MGAT4C: variants seen among roughly 807,000 people sequenced by gnomAD.
The protein encoded by MGAT4C is MGAT4 family member C, also known as alpha-1,3-mannosyl-glycoprotein 4-beta-N-acetylglucosaminyltransferase C.
Under a neutral mutation model 40.1 loss-of-function variants are expected in MGAT4C, and 19 were observed. That is an observed-to-expected ratio of 0.47 (90% CI 0.33 to 0.70). The LOEUF (loss-of-function observed/expected upper bound fraction) is 0.70, where lower values mean the gene tolerates loss of function less well. Ranked by LOEUF, MGAT4C falls within the 30% of genes least tolerant of loss-of-function variation. The probability of loss-of-function intolerance (pLI) is 0.02; values close to 1 mark genes in which losing one functional copy is unlikely to be tolerated. For synonymous variants in MGAT4C, 181 were observed against 187.1 expected, an observed-to-expected ratio of 0.97 and a Z score of 0.27; for missense variants, 491 against 563.2, an observed-to-expected ratio of 0.87 and a Z score of 1.30.
chr12:86,672,586 A>T (rs945615389), intron 2 of MGAT4C, among the ~76,000 whole-genome samples: 9 of 152,256 alleles, frequency 5.9e-5, no homozygotes, highest in South Asian at 2.1e-4. Context: ...ATGAAAAAGG[A>T]GACAATACAT....
At chr12:86,355,871 G>C (rs1190085800) in intron 3 of MGAT4C, among the ~76,000 whole-genome samples, 3 of 152,010 alleles carry the variant, frequency 2.0e-5, no homozygotes, top group Non-Finnish European at 4.4e-5. Context: ...TTTTGCCTCT[G>C]TACGTTCCTT....
intron 2 of MGAT4C, among the ~76,000 whole-genome samples, chr12:86,489,564 G>A (rs192090433): frequency 1.3e-5 from 2 of 152,318 alleles, no homozygotes; most frequent in East Asian, 3.9e-4. Flanking sequence ...ATTGTAACAT[G>A]CCCTCTGGGG....
intron 1 of MGAT4C, among the ~76,000 whole-genome samples, chr12:86,788,097 T>TCA (rs932072389): frequency 4.6e-5 from 7 of 151,478 alleles, no homozygotes; most frequent in African/African-American, 1.7e-4. Context: ...ATGTATTTAC[T>TCA]TATATATATA....
rs183142295 is a variant in MGAT4C at position 86,768,263 on chromosome 12, C to T, written c.-261-41022G>A. On this transcript the variant is annotated intron_variant, in intron 1 of 7. Transcript: ENST00000548651. ...GCTAAATCATGAGTGAATTCCCATT[C>T]ACAATTGCTTCACAGAGAATAAAAT... 3.7e-4 allele frequency among the ~76,000 whole-genome samples: 57 copies of T among 152,242 alleles called. 1 individual carries two copies. The highest frequency in any genetic ancestry group is 1.3e-3 in the African/African-American group (56 of 41,540).
chr12:86,251,073 T>C (rs1171044522), intron 1 of MGAT4C, among the ~76,000 whole-genome samples: 1 of 150,340 alleles, frequency 6.7e-6, no homozygotes, highest in East Asian at 1.9e-4. Context: ...TCCATGCTTA[T>C]AAGATTAGTT....
chr12:86,010,090 T>C (rs1035099415), intron 2 of MGAT4C, among the ~76,000 whole-genome samples: 5 of 152,192 alleles, frequency 3.3e-5, no homozygotes, highest in Non-Finnish European at 7.3e-5. Flanking sequence ...GCATAAATGT[T>C]ATATATTGTG....
At chr12:86,569,312 T>C (rs1960268225) in intron 2 of MGAT4C, among the ~76,000 whole-genome samples, 1 of 152,080 alleles carries the variant, frequency 6.6e-6, no homozygotes, top group African/African-American at 2.4e-5. Flanking sequence ...ATCCAAAATT[T>C]ACAGGGAATT....
chr12:86,196,835 ATAGT>A (rs1443513408), intron 1 of MGAT4C, among the ~76,000 whole-genome samples: 9 of 151,956 alleles, frequency 5.9e-5, no homozygotes, highest in Non-Finnish European at 1.2e-4. Context: ...TTTTTGCAAC[ATAGT>A]TAGTCTGATA....
At chr12:86,283,419 C>T (rs1953269342) in intron 4 of MGAT4C, among the ~76,000 whole-genome samples, 1 of 151,614 alleles carries the variant, frequency 6.6e-6, no homozygotes, top group Non-Finnish European at 1.5e-5. Context: ...AAATAATTTC[C>T]ACTCTTTAGA....
intron 1 of MGAT4C, among the ~76,000 whole-genome samples, chr12:86,740,934 C>G (rs928416460): frequency 2.7e-5 from 4 of 150,896 alleles, no homozygotes; most frequent in Non-Finnish European, 5.9e-5. Context: ...GTTTGGAATA[C>G]AAATTCCGTC....
intron 2 of MGAT4C, among the ~76,000 whole-genome samples, chr12:86,492,732 C>T (rs1352708373): frequency 6.6e-6 from 1 of 152,120 alleles, no homozygotes; most frequent in Non-Finnish European, 1.5e-5. Context: ...AGGACATAGG[C>T]ATGGGCAAGG....
chr12:86,693,542 C>G (rs1036703996), intron 2 of MGAT4C, among the ~76,000 whole-genome samples: 2 of 151,898 alleles, frequency 1.3e-5, no homozygotes, highest in African/African-American at 4.8e-5. Context: ...TAGCTTTGGG[C>G]TCCTAAGTTA....
intron 2 of MGAT4C, among the ~76,000 whole-genome samples, chr12:86,613,373 T>C (rs190527402): frequency 2.0e-5 from 3 of 152,314 alleles, no homozygotes; most frequent in African/African-American, 7.2e-5. Flanking sequence ...ATGTATTTAA[T>C]CTGTTTATCT....
chr12:86,424,143 T>C (rs1484583343), intron 3 of MGAT4C, among the ~76,000 whole-genome samples: 3 of 152,162 alleles, frequency 2.0e-5, no homozygotes, highest in Admixed American at 2.0e-4. Context: ...TAGAAGGAAA[T>C]AAAAATTAGA....
chr12:86,738,108 T>C (rs1951013395), intron 1 of MGAT4C, among the ~76,000 whole-genome samples: 1 of 151,440 alleles, frequency 6.6e-6, no homozygotes, highest in South Asian at 2.1e-4. Flanking sequence ...CTTCTCCTCA[T>C]GGACCTCATC....
At chr12:86,687,209 T>C (rs1688989670) in intron 2 of MGAT4C, among the ~76,000 whole-genome samples, 1 of 152,164 alleles carries the variant, frequency 6.6e-6, no homozygotes, top group Non-Finnish European at 1.5e-5. Context: ...TCATTTTTTA[T>C]TTTCTATTCT....
intron 2 of MGAT4C, among the ~76,000 whole-genome samples, chr12:86,018,419 G>T (rs1027904268): frequency 6.6e-6 from 1 of 152,170 alleles, no homozygotes; most frequent in Admixed American, 6.6e-5. Context: ...TGTCTGACAT[G>T]TGCCACTGTA....
rs558534918 is a variant in MGAT4C at position 86,422,512 on chromosome 12, C to A, written c.-120+12645G>T. On this transcript the variant is annotated intron_variant, in intron 3 of 7. Coordinates refer to the MGAT4C transcript ENST00000548651. ...ACAGCTTATAAAAACACAAGCAAAC[C>A]AAAATCTCTGGTTGTAAGAATGTGC... 2.2e-3 allele frequency among the ~76,000 whole-genome samples: 340 copies of A among 152,210 alleles called. 1 individual carries two copies. The highest frequency in any genetic ancestry group is 5.4e-3 in the South Asian group (26 of 4,818).
rs1220868395 is a variant in MGAT4C, at chr12:86,797,440, C to T, written c.-262+41226G>A. On this transcript the variant is annotated intron_variant, in intron 1 of 7. Coordinates refer to the MGAT4C transcript ENST00000548651. ...ACTGGCTTCTATATCCACCACATGACTATATATAAACATATGAAAGTCAAT... is the reference window on the plus strand; with the variant it reads ...ACTGGCTTCTATATCCACCACATGATTATATATAAACATATGAAAGTCAAT... Among the ~76,000 whole-genome samples the T allele has an allele frequency of 2.6e-5, 4 of 151,756 alleles. No homozygotes were observed. The South Asian group carries it at 6.2e-4, about 24-fold the overall frequency.
Sources: gnomAD v4.1 joint callset for allele counts (sites outside exome capture counted in the v4.1 genomes callset) on GRCh38, gnomAD v4.1.1 for gene constraint, MANE v1.5 for transcripts, NCBI Gene and HGNC (gene_info 2026-07-23, HGNC 2026-07-21) for gene names.